Variants in UGT1A10 observed in about 807,000 individuals in gnomAD.
UGT1A10 encodes UDP glucuronosyltransferase family 1 member A10, also known as UDP-glucuronosyltransferase 1A10.
UGT1A10 carries 49 observed loss-of-function variants against 45.8 expected under a neutral mutation model. The observed-to-expected ratio is 1.07, with a 90% CI of 0.85 to 1.36. UGT1A10 has a LOEUF of 1.36. Ranked by LOEUF, UGT1A10 falls within the 40% of genes most tolerant of loss-of-function variation. UGT1A10 has a pLI of 0.00. For synonymous variants in UGT1A10, 284 were observed against 249.7 expected, an observed-to-expected ratio of 1.14 and a Z score of -1.29; for missense variants, 745 against 668.6, an observed-to-expected ratio of 1.11 and a Z score of -1.26.
intron 1 of UGT1A10, among the ~76,000 whole-genome samples, chr2:233,724,217 A>G (rs1313805950): frequency 3.1e-4 from 30 of 97,836 alleles, no homozygotes; most frequent in Admixed American, 7.0e-4. Context: ...GGGGCTCCTC[A>G]CTTCCCAGTA....
chr2:233,686,134 A>G (rs1344497843), intron 1 of UGT1A10, among the ~76,000 whole-genome samples: 2 of 152,216 alleles, frequency 1.3e-5, no homozygotes, highest in Non-Finnish European at 2.9e-5. Context: ...TATCATATAT[A>G]AAAATTAACT....
chr2:233,765,491 C>T (rs1438228783), intron 1 of UGT1A10, among the ~76,000 whole-genome samples: 1 of 152,094 alleles, frequency 6.6e-6, no homozygotes, highest in African/African-American at 2.4e-5. Flanking sequence ...TCATCCTCCA[C>T]AAACTAACAC....
In UGT1A10 at chr2:233,724,567, C is replaced by T. The variant is rs1005770116; in HGVS notation, c.856-42467C>T. Among the ~76,000 whole-genome samples, 5 of 126,436 alleles carry T rather than the reference C, an allele frequency of 4.0e-5. No individual in the cohort carries two copies. In the East Asian group the frequency reaches 1.3e-3, roughly 33 times the overall value. 82.9% of individuals were successfully genotyped at this position (126,436 alleles called of 152,430 possible). A position where few individuals can be genotyped will look rare whatever the true frequency, so the allele number is the denominator to read the frequency against. On this transcript the variant is annotated intron_variant, in intron 1 of 4. Coordinates refer to ENST00000344644, the MANE Select transcript of UGT1A10 (RefSeq NM_019075.4). ...GCTCCTCACATCCCAGATGGGGCGG[C>T]GGGGCAGAGGCGCTCCCCACATCTC...
chr2:233,663,947 T>C (rs1471142910), intron 1 of UGT1A10, among the ~76,000 whole-genome samples: 1 of 152,196 alleles, frequency 6.6e-6, no homozygotes, highest in African/African-American at 2.4e-5. Flanking sequence ...GTCATTTCTT[T>C]GTCCTTGCAT....
In UGT1A10 at chr2:233,768,473, A is replaced by G. The variant is rs1334897468; in HGVS notation, c.1295+34A>G. ...GAAGATACAGAAGAATACTTTGGTC[A>G]TGGCATTCATGATAAAATTGTTTCA... is the stretch of plus-strand genomic sequence containing the variant. On this transcript the variant is annotated intron_variant, in intron 4 of 4. Transcript: ENST00000344644. The G allele has an allele frequency of 3.8e-6, 6 of 1,597,614 alleles. No homozygotes were observed. The African/African-American group carries it at 4.0e-5, about 11-fold the overall frequency.
At chr2:233,694,740 G>A (rs565003926) in intron 1 of UGT1A10, among the ~76,000 whole-genome samples, 1 of 152,202 alleles carries the variant, frequency 6.6e-6, no homozygotes, top group South Asian at 2.1e-4. Context: ...AATTTGAACA[G>A]TTGGCAGTAG....
intron 1 of UGT1A10, among the ~76,000 whole-genome samples, chr2:233,700,095 G>A (rs2075543573): frequency 6.6e-6 from 1 of 152,208 alleles, no homozygotes; most frequent in Non-Finnish European, 1.5e-5. Flanking sequence ...GCCTGGAGGT[G>A]TGGAGGGCAG....
chr2:233,770,680 G>C (rs940972002), intron 4 of UGT1A10: 1 of 151,464 alleles, frequency 6.6e-6, no homozygotes, highest in Non-Finnish European at 1.5e-5. Context: ...AAAAAAGAAG[G>C]TTCCAAGAAA....
intron 1 of UGT1A10, among the ~76,000 whole-genome samples, chr2:233,670,922 CA>C (rs1186411067): frequency 2.0e-5 from 3 of 152,136 alleles, no homozygotes; most frequent in Non-Finnish European, 4.4e-5. Context: ...TCTTGTACAA[CA>C]AAAAAACTGG....
At chr2:233,652,106 G>A (rs1334260679) in intron 1 of UGT1A10, among the ~76,000 whole-genome samples, 1 of 152,228 alleles carries the variant, frequency 6.6e-6, no homozygotes, top group Non-Finnish European at 1.5e-5. Flanking sequence ...CATCCAGGGT[G>A]AGTGTAGCTC....
chr2:233,658,878 G>A (rs2073909193), intron 1 of UGT1A10, among the ~76,000 whole-genome samples: 1 of 152,138 alleles, frequency 6.6e-6, no homozygotes, highest in Admixed American at 6.6e-5. Context: ...CTTGAAATGA[G>A]TAGTATTAGC....
chr2:233,748,217 A>T, intron 1 of UGT1A10: 1 of 1,473,232 alleles, frequency 6.8e-7, no homozygotes, highest in East Asian at 2.4e-5. Flanking sequence ...CTTCAGTGAG[A>T]TAAACTGTTA....
chr2:233,688,222 A>G (rs1197444808), intron 1 of UGT1A10, among the ~76,000 whole-genome samples: 1 of 152,228 alleles, frequency 6.6e-6, no homozygotes, highest in East Asian at 1.9e-4. Context: ...TGGCTTATCC[A>G]TGTTGTAGCA....
At chr2:233,760,933 G>A (rs1697618719) in intron 1 of UGT1A10, 3 of 1,614,198 alleles carry the variant, frequency 1.9e-6, no homozygotes, top group South Asian at 1.1e-5. Flanking sequence ...CATGCTCATT[G>A]CCTTTTCACA....
intron 1 of UGT1A10, among the ~76,000 whole-genome samples, chr2:233,687,284 C>T (rs901760088): frequency 6.6e-6 from 1 of 152,148 alleles, no homozygotes; most frequent in African/African-American, 2.4e-5. Context: ...CTCTTCAGAA[C>T]AACATGGTGA....
At chr2:233,689,449 A>G (rs1039302425) in intron 1 of UGT1A10, among the ~76,000 whole-genome samples, 2 of 152,252 alleles carry the variant, frequency 1.3e-5, no homozygotes, top group African/African-American at 4.8e-5. Context: ...AAGAGCAAGG[A>G]TACATTTTAG....
At chr2:233,668,336 C>T (rs1232492999) in intron 1 of UGT1A10, among the ~76,000 whole-genome samples, 1 of 152,194 alleles carries the variant, frequency 6.6e-6, no homozygotes, top group Non-Finnish European at 1.5e-5. Context: ...ATAGTTTGCT[C>T]AGAATGATGG....
chr2:233,724,111 G>A (rs2077170036), intron 1 of UGT1A10, among the ~76,000 whole-genome samples: 1 of 116,358 alleles, frequency 8.6e-6, no homozygotes. Context: ...GGGCGGCCGG[G>A]CAGAGGCGCC....
intron 1 of UGT1A10, among the ~76,000 whole-genome samples, chr2:233,647,599 C>T (rs1418442206): frequency 6.6e-6 from 1 of 152,144 alleles, no homozygotes; most frequent in Non-Finnish European, 1.5e-5. Context: ...TTATTAATTT[C>T]TTCTTGTGTA....
Sources: gnomAD v4.1 joint callset for allele counts (sites outside exome capture counted in the v4.1 genomes callset) on GRCh38, gnomAD v4.1.1 for gene constraint, MANE v1.5 for transcripts, NCBI Gene and HGNC (gene_info 2026-07-23, HGNC 2026-07-21) for gene names.